IDO1: variants seen among roughly 807,000 people sequenced by gnomAD.
IDO1 encodes the protein indolamine 2,3 dioxygenase.
A neutral mutation model predicts 38.8 loss-of-function variants in IDO1; 35 were observed. The observed-to-expected ratio is 0.90, with a 90% CI of 0.69 to 1.20. The LOEUF is 1.20. Among genes scored for constraint, IDO1 ranks in the 50% most tolerant of loss-of-function variants. The pLI is 0.00. For synonymous variants in IDO1, 171 were observed against 170.0 expected, an observed-to-expected ratio of 1.01 and a Z score of -0.05; for missense variants, 509 against 485.1, an observed-to-expected ratio of 1.05 and a Z score of -0.46.
intron 5 of IDO1, chr8:39,920,873 A>T (rs1029886265): frequency 6.6e-6 from 1 of 152,222 alleles, no homozygotes; most frequent in African/African-American, 2.4e-5. Context: ...TATCATCAGT[A>T]TAAACCCACC....
intron 7 of IDO1, among the ~76,000 whole-genome samples, chr8:39,924,330 C>T (rs563759387): frequency 8.2e-4 from 124 of 152,142 alleles, no homozygotes; most frequent in Middle Eastern, 3.4e-3. Context: ...CAATACATTC[C>T]AGCCTGAGTG....
intron 7 of IDO1, chr8:39,923,925 C>G (rs7010461): frequency 1.3e-5 from 2 of 159,334 alleles, no homozygotes; most frequent in Non-Finnish European, 1.4e-5. Flanking sequence ...GGTTTTAAGT[C>G]CCGAAAAAAA....
chr8:39,918,441 C>T (rs1807213297), intron 3 of IDO1: 1 of 532,946 alleles, frequency 1.9e-6, no homozygotes, highest in Non-Finnish European at 3.3e-6. Context: ...ACCCTAATTA[C>T]ATAAAACTAA....
Position 39,917,914 on chromosome 8 carries a change from G to T in IDO1, c.127G>T (p.Ala43Ser), listed in dbSNP as rs75896742. 6.2e-7 allele frequency: 1 copy of T among 1,609,732 alleles called. No individual in the cohort carries two copies. The highest frequency in any genetic ancestry group is 8.5e-7 in the Non-Finnish European group (1 of 1,177,036). The change falls in exon 2 of 10, where the codon GCT (alanine) becomes TCT (serine). Residue 43 changes from alanine (A) to serine (S), a missense_variant. By Grantham distance (99) the Ala-to-Ser change is moderately conservative. Coordinates refer to ENST00000518237, the MANE Select transcript of IDO1 (RefSeq NM_002164.6). ...PDFYNDWMFI[A>S]KHLPDLIESG... ...TTTTTATAATGACTGGATGTTCATT[G>T]CTAAACATCTGCCTGATCTCATAGA...
intron 9 of IDO1, 117 bp downstream of exon 9, chr8:39,925,488 A>G: frequency 9.6e-7 from 1 of 1,045,524 alleles, no homozygotes; most frequent in Non-Finnish European, 1.3e-6. Context: ...GTTTTAGCAG[A>G]ATCAGGCAAG....
At position 39,925,293 on chromosome 8, in the gene IDO1, G is replaced by T. The variant is rs752898584; in HGVS notation, c.778G>T (p.Ala260Ser). 6.2e-7 allele frequency: 1 copy of T among 1,613,318 alleles called. No homozygotes were observed. Among genetic ancestry groups the T allele is most frequent in the Non-Finnish European group, 8.5e-7 (1 of 1,179,704 alleles). The change falls in exon 9 of 10, where the codon GCA becomes TCA. Residue 260 changes from alanine to serine, a missense_variant. Coordinates refer to ENST00000518237, the MANE Select transcript of IDO1 (RefSeq NM_002164.6). ...GTTCTGGGAAGACCCAAAGGAGTTT[G>T]CAGGGGGCAGTGCAGGCCAAAGCAG... The part of the protein sequence containing the change: ...EGFWEDPKEF[A>S]GGSAGQSSVF...
intron 4 of IDO1, among the ~76,000 whole-genome samples, chr8:39,919,493 A>G (rs1392761723): frequency 6.6e-6 from 1 of 152,102 alleles, no homozygotes; most frequent in African/African-American, 2.4e-5. Flanking sequence ...GGTTTCTCAG[A>G]GCAGTCTGCT....
At chr8:39,926,607 C>A (rs1372536533) in intron 9 of IDO1, among the ~76,000 whole-genome samples, 21 of 152,178 alleles carry the variant, frequency 1.4e-4, no homozygotes, top group Admixed American at 1.4e-3. Context: ...GTTTAACAGT[C>A]AAAGGGGAAA....
intron 3 of IDO1, 51 bp from the exon 4 acceptor site, chr8:39,918,764 A>G: frequency 1.3e-6 from 1 of 754,978 alleles, no homozygotes; most frequent in Admixed American, 2.7e-5. Flanking sequence ...AAAAAAAAAA[A>G]AAAAACAACA....
At chr8:39,916,856 T>G (rs1403582306) in intron 1 of IDO1, among the ~76,000 whole-genome samples, 1 of 152,202 alleles carries the variant, frequency 6.6e-6, no homozygotes, top group African/African-American at 2.4e-5. Flanking sequence ...ATCATCATTG[T>G]GCAGAACAAA....
chr8:39,920,659 C>A (rs1237261393), intron 5 of IDO1: 1 of 152,294 alleles, frequency 6.6e-6, no homozygotes, highest in Non-Finnish European at 1.5e-5. Context: ...GAAACCTCGT[C>A]TCTACTAAAA....
chr8:39,924,921 A>G (rs1807337021), intron 8 of IDO1, 149 bp downstream of exon 8: 1 of 716,250 alleles, frequency 1.4e-6, no homozygotes, highest in Non-Finnish European at 2.5e-6. Flanking sequence ...CTGTTCTGTT[A>G]TCACTTGGCC....
intron 9 of IDO1, among the ~76,000 whole-genome samples, chr8:39,926,297 G>T (rs62512635): frequency 0.1 from 15,224 of 152,200 alleles, 1,081 homozygotes; most frequent in East Asian, 0.28. Flanking sequence ...ATAAAGACTG[G>T]TTGACTCCGG....
At position 39,919,191 on chromosome 8, in the gene IDO1, C is replaced by T. The variant is rs1427898416; in HGVS notation, c.422+258C>T. On this transcript the variant is annotated intron_variant, in intron 4 of 9. Coordinates refer to ENST00000518237, the MANE Select transcript of IDO1 (RefSeq NM_002164.6). ...TCAGCTTGAATTTAACTATTATATA[C>T]ATACATACACCCACCATTCTCAGTA... 3 of 556,496 alleles carry T rather than the reference C, an allele frequency of 5.4e-6. No homozygotes were observed. The African/African-American group carries it at 5.6e-5, about 10-fold the overall frequency. 34.5% of individuals were successfully genotyped at this position (556,496 alleles called of 1,614,324 possible).
At chr8:39,920,408 T>C (rs1313498691) in intron 5 of IDO1, among the ~76,000 whole-genome samples, 1 of 152,240 alleles carries the variant, frequency 6.6e-6, no homozygotes, top group African/African-American at 2.4e-5. Flanking sequence ...TGTGTATCTA[T>C]GATTTAATAA....
At chr8:39,925,081 A>C in intron 8 of IDO1, 142 bp from the exon 9 acceptor site, 1 of 746,698 alleles carries the variant, frequency 1.3e-6, no homozygotes, top group Non-Finnish European at 2.2e-6. Context: ...GAAAATGAGC[A>C]GGGGCAAGGG....
intron 4 of IDO1, among the ~76,000 whole-genome samples, chr8:39,919,352 AACC>A (rs1361676442): frequency 6.6e-6 from 1 of 152,122 alleles, no homozygotes; most frequent in East Asian, 1.9e-4. Context: ...ATATCAATGA[AACC>A]ACAGAGTATA....
chr8:39,922,528 G>T (rs1807289617), intron 5 of IDO1, 24 bp from the exon 6 acceptor site: 1 of 1,499,542 alleles, frequency 6.7e-7, no homozygotes, highest in African/African-American at 1.4e-5. Context: ...TAAACTTCTT[G>T]CCTTCCTTAT....
chr8:39,918,188 G>T lies in IDO1; in HGVS notation c.284G>T (p.Gly95Val). Residue 95 changes from glycine to valine, a missense_variant, in exon 3 of 10, where the codon GGT becomes GTT. Gly to Val is a moderately radical substitution (Grantham distance 109). Transcript: ENST00000518237. ...CITMAYVWGK[G>V]HGDVRKVLPR... is the part of the protein sequence containing the mutation. ...ACCATGGCATATGTGTGGGGCAAAG[G>T]TCATGGAGATGTCCGTAAGGTTTGG... 5 of 1,612,928 alleles carry T rather than the reference G, an allele frequency of 3.1e-6. No individual in the cohort carries two copies. Among genetic ancestry groups the T allele is most frequent in the Non-Finnish European group, 3.4e-6 (4 of 1,179,020 alleles).
Sources: allele counts gnomAD v4.1 joint callset (sites outside exome capture counted in the v4.1 genomes callset), GRCh38; gene constraint gnomAD v4.1.1; transcripts MANE v1.5; gene names NCBI Gene and HGNC (gene_info 2026-07-23, HGNC 2026-07-21).